The following NEGR1 variants were observed in gnomAD, a reference collection of about 807,000 sequenced individuals.
NEGR1 encodes neuronal growth regulator 1, also known as IgLON family member 4.
A neutral mutation model predicts 40.9 loss-of-function variants in NEGR1; 10 were observed. The ratio of observed to expected loss-of-function variants is 0.24; its 90% confidence interval spans 0.15 to 0.42. The LOEUF is 0.42. NEGR1 is among the 10% of genes least tolerant of loss of function. NEGR1 has a pLI of 1.00. For missense variants in NEGR1, 352 were observed against 438.9 expected (o/e 0.80, Z 1.77); for synonymous variants, 185 against 166.8 (o/e 1.11, Z -0.84).
rs545780102 is a variant in NEGR1 at position 72,111,073 on chromosome 1, CAT to C, written c.176+171244_176+171245del. ...CTAAATTTTTAGATATATACATACACATATATATATATACACACACACACACA... is the reference window on the plus strand; with the variant it reads ...CTAAATTTTTAGATATATACATACACATATATATATACACACACACACACA... On this transcript the variant is annotated intron_variant, in intron 1 of 6. Transcript: ENST00000357731. 4.6e-3 allele frequency among the ~76,000 whole-genome samples: 630 copies of C among 138,388 alleles called. 3 individuals carry two copies. The highest frequency in any genetic ancestry group is 9.7e-3 in the South Asian group (42 of 4,342). 90.8% of individuals were successfully genotyped at this position (138,388 alleles called of 152,430 possible).
At chr1:71,918,062 A>T (rs1329845079) in intron 2 of NEGR1, among the ~76,000 whole-genome samples, 1 of 150,212 alleles carries the variant, frequency 6.7e-6, no homozygotes, top group Non-Finnish European at 1.5e-5. Flanking sequence ...CTAGAAATAT[A>T]AAAAATTAGC....
chr1:71,542,683 A>C (rs1308481947), intron 6 of NEGR1, among the ~76,000 whole-genome samples: 1 of 151,796 alleles, frequency 6.6e-6, no homozygotes, highest in Non-Finnish European at 1.5e-5. Flanking sequence ...ATGTTTCACC[A>C]CAACAACATT....
rs1249105714 is a variant in NEGR1, at chr1:71,609,499, A to ACCAAGACT, written c.788+1519_788+1526dup. On this transcript the variant is annotated intron_variant, in intron 5 of 6. Transcript: ENST00000357731. ...CACTGCACTCCAGCCTGGGCGACAA[A>ACCAAGACT]CCAAGACTCCGTCTCAAAAAAAAAA... Among the ~76,000 whole-genome samples, 143 of 134,270 alleles carry ACCAAGACT rather than the reference A, an allele frequency of 1.1e-3. 2 individuals carry two copies. The highest frequency in any genetic ancestry group is 3.8e-3 in the African/African-American group (137 of 35,620). 88.1% of individuals were successfully genotyped at this position (134,270 alleles called of 152,430 possible).
At chr1:72,029,160 G>C (rs1646836863) in intron 1 of NEGR1, among the ~76,000 whole-genome samples, 1 of 151,992 alleles carries the variant, frequency 6.6e-6, no homozygotes, top group African/African-American at 2.4e-5. Flanking sequence ...AAGAAGAAGG[G>C]AACAAAATAA....
intron 4 of NEGR1, among the ~76,000 whole-genome samples, chr1:71,655,113 A>C (rs1651836798): frequency 6.6e-6 from 1 of 152,210 alleles, no homozygotes; most frequent in African/African-American, 2.4e-5. Context: ...AGAACTTATT[A>C]AGTATGCTTG....
At chr1:72,191,462 G>T (rs189672895) in intron 1 of NEGR1, among the ~76,000 whole-genome samples, 152 of 151,812 alleles carry the variant, frequency 1.0e-3, no homozygotes, top group Admixed American at 2.5e-3. Context: ...GAAATTTGTA[G>T]CATCAGATGC....
intron 1 of NEGR1, among the ~76,000 whole-genome samples, chr1:72,266,655 G>A (rs1655648582): frequency 6.7e-6 from 1 of 149,972 alleles, no homozygotes; most frequent in African/African-American, 2.4e-5. Context: ...ACAAATGTGT[G>A]TATGTATATA....
intron 2 of NEGR1, among the ~76,000 whole-genome samples, chr1:71,863,028 A>G (rs1659997832): frequency 6.6e-6 from 1 of 152,178 alleles, no homozygotes; most frequent in Non-Finnish European, 1.5e-5. Context: ...ACCATTGTAG[A>G]AGAGAGTATG....
chr1:71,541,441 G>A (rs1215830638), intron 6 of NEGR1, among the ~76,000 whole-genome samples: 1 of 151,764 alleles, frequency 6.6e-6, no homozygotes, highest in Non-Finnish European at 1.5e-5. Context: ...CAGCTTGAGG[G>A]TGGAAGACAG....
intron 2 of NEGR1, among the ~76,000 whole-genome samples, chr1:71,900,095 C>T (rs941003066): frequency 1.3e-5 from 2 of 152,100 alleles, no homozygotes; most frequent in African/African-American, 4.8e-5. Flanking sequence ...TACAGTATAC[C>T]ACTGAGTGGG....
chr1:72,209,296 T>G (rs1206118712), intron 1 of NEGR1, among the ~76,000 whole-genome samples: 1 of 151,720 alleles, frequency 6.6e-6, no homozygotes, highest in Non-Finnish European at 1.5e-5. Context: ...ATTTGACTCT[T>G]TATCTCCCAA....
At chr1:71,732,773 CA>C (rs1354027463) in intron 3 of NEGR1, among the ~76,000 whole-genome samples, 1 of 152,034 alleles carries the variant, frequency 6.6e-6, no homozygotes, top group East Asian at 1.9e-4. Flanking sequence ...CTAAGAAATA[CA>C]GAGCAAATCA....
At position 71,399,641 on chromosome 1, in the gene NEGR1, G is replaced by A. The variant is rs1473595010; in HGVS notation, c.*7805C>T. 6.6e-6 allele frequency: 1 copy of A among 152,184 alleles called. No individual in the cohort carries two copies. Among genetic ancestry groups the A allele is most frequent in the Non-Finnish European group, 1.5e-5 (1 of 68,024 alleles). The allele number at this position is 152,184 out of a possible 1,614,324, so 9.4% of individuals were successfully genotyped here. A position where few individuals can be genotyped will look rare whatever the true frequency, so the allele number is the denominator to read the frequency against. On this transcript the variant is annotated 3_prime_UTR_variant, in exon 7 of 7. Transcript: ENST00000357731. ...GATAGCAATGCGATTTTGTATTTGT[G>A]TGTGAGTATGTGTTTTGTTTTGAAA...
intron 1 of NEGR1, among the ~76,000 whole-genome samples, chr1:72,088,197 A>C (rs1648300769): frequency 6.6e-6 from 1 of 152,154 alleles, no homozygotes; most frequent in Admixed American, 6.5e-5. Context: ...GCAGGAAGAT[A>C]ACCTGTTAGT....
intron 1 of NEGR1, among the ~76,000 whole-genome samples, chr1:72,135,157 A>C (rs1432195822): frequency 6.6e-6 from 1 of 150,754 alleles, no homozygotes; most frequent in East Asian, 2.0e-4. Flanking sequence ...TGGGAGGATC[A>C]CGAGGTCAGG....
intron 1 of NEGR1, among the ~76,000 whole-genome samples, chr1:71,977,338 ACAAAACAAAACAAAAACAAAAT>A (rs1472751747): frequency 6.6e-6 from 1 of 152,056 alleles, no homozygotes; most frequent in Non-Finnish European, 1.5e-5. Context: ...AAAAAACAAA[ACAAAACAAAACAAAAACAAAAT>A]CAAAACAAAC....
intron 1 of NEGR1, among the ~76,000 whole-genome samples, chr1:71,986,922 C>A (rs186224352): frequency 1.3e-5 from 2 of 152,176 alleles, no homozygotes; most frequent in South Asian, 2.1e-4. Flanking sequence ...GTAGAACCTA[C>A]AGGTCAGTAT....
intron 6 of NEGR1, among the ~76,000 whole-genome samples, chr1:71,450,049 G>A (rs1296723415): frequency 1.1e-4 from 16 of 150,008 alleles, no homozygotes; most frequent in African/African-American, 3.2e-4. Flanking sequence ...AGAGTGCAGC[G>A]GTCCACTCTT....
chr1:71,794,577 A>G lies in NEGR1; in HGVS notation c.410-18280T>C, dbSNP rs981220966. The G allele has an allele frequency of 1.5e-4, 23 of 152,160 alleles. 2 individuals are homozygous for G. Among genetic ancestry groups the G allele is most frequent in the Admixed American group, 1.2e-3 (18 of 15,266 alleles). The allele number at this position is 152,160 out of a possible 1,614,324, so 9.4% of individuals were successfully genotyped here. The stretch of plus-strand genomic sequence containing the variant: ...AACAATACAAATGAATTTGGACCTC[A>G]TGCCATGTACATAAATAAGTTATGC... On this transcript the variant is annotated intron_variant, in intron 2 of 6. Transcript: ENST00000357731.
Sources: allele counts gnomAD v4.1 joint callset (sites outside exome capture counted in the v4.1 genomes callset), GRCh38; gene constraint gnomAD v4.1.1; transcripts MANE v1.5; gene names NCBI Gene and HGNC (gene_info 2026-07-23, HGNC 2026-07-21).